GSE1: variants seen among roughly 807,000 people sequenced by gnomAD.
GSE1 encodes genetic suppressor element 1.
GSE1 carries 32 observed loss-of-function variants against 112.6 expected under a neutral mutation model. The observed-to-expected ratio is 0.28, with a 90% CI of 0.21 to 0.38. The LOEUF is 0.38. Ranked by LOEUF, GSE1 falls within the 10% of genes least tolerant of loss-of-function variation. GSE1 has a pLI of 1.00. For missense variants in GSE1, 2,348 were observed against 1,699.2 expected, an observed-to-expected ratio of 1.38 and a Z score of -6.71; for synonymous variants, 1,115 against 735.6, an observed-to-expected ratio of 1.52 and a Z score of -8.35.
At chr16:85,175,337 C>T (rs927989567) in intron 1 of GSE1, among the ~76,000 whole-genome samples, 16 of 152,162 alleles carry the variant, frequency 1.1e-4, no homozygotes, top group Admixed American at 9.8e-4. Context: ...GCACCCCTGC[C>T]CCAAGGACGG....
intron 2 of GSE1, among the ~76,000 whole-genome samples, chr16:85,488,644 A>G (rs569591230): frequency 2.6e-5 from 4 of 152,222 alleles, no homozygotes; most frequent in Admixed American, 6.5e-5. Context: ...TGCCTCAGGA[A>G]CAGTCTTTCC....
At chr16:85,472,057 A>T (rs2050311760) in intron 2 of GSE1, among the ~76,000 whole-genome samples, 1 of 152,120 alleles carries the variant, frequency 6.6e-6, no homozygotes. Flanking sequence ...TGCTCACGAG[A>T]TACCAGTAAT....
At chr16:85,300,746 C>T (rs11639583) in intron 1 of GSE1, among the ~76,000 whole-genome samples, 53,964 of 152,096 alleles carry the variant, frequency 0.35, 9,876 homozygotes, top group Admixed American at 0.46. Flanking sequence ...TCCTGCCTCT[C>T]GGCTTCCGCT....
chr16:85,295,768 CTTTTT>C (rs71151276), intron 1 of GSE1, among the ~76,000 whole-genome samples: 1 of 133,084 alleles, frequency 7.5e-6, no homozygotes, highest in Admixed American at 7.5e-5. Flanking sequence ...TAATTCGTAA[CTTTTT>C]TTTTTTTTTT....
upstream of GSE1, among the ~76,000 whole-genome samples, chr16:85,611,016 T>A (rs2047946951): frequency 6.6e-6 from 1 of 152,318 alleles, no homozygotes; most frequent in South Asian, 2.1e-4. Context: ...AACCCCACCT[T>A]CACCCCTGGC....
intron 2 of GSE1, among the ~76,000 whole-genome samples, chr16:85,544,917 G>A (rs927911950): frequency 3.3e-5 from 5 of 152,244 alleles, no homozygotes; most frequent in Non-Finnish European, 5.9e-5. Context: ...AGCCGTGCCC[G>A]CGCTGTCACG....
chr16:85,396,671 A>G (rs2047973519), intron 2 of GSE1, among the ~76,000 whole-genome samples: 1 of 152,230 alleles, frequency 6.6e-6, no homozygotes. Context: ...GGCCATTCTC[A>G]GGACCCCACA....
intron 2 of GSE1, among the ~76,000 whole-genome samples, chr16:85,643,358 G>T (rs551945369): frequency 6.6e-5 from 10 of 152,326 alleles, no homozygotes; most frequent in African/African-American, 2.2e-4. Context: ...CTGGCGTTGT[G>T]GGGGCATCGA....
At chr16:85,330,393 C>A (rs937955511) in intron 1 of GSE1, among the ~76,000 whole-genome samples, 2 of 152,210 alleles carry the variant, frequency 1.3e-5, no homozygotes, top group South Asian at 2.1e-4. Context: ...GTAACAGTCT[C>A]CCCTGGAGCC....
intron 2 of GSE1, among the ~76,000 whole-genome samples, chr16:85,510,052 G>A (rs954395796): frequency 2.0e-5 from 3 of 152,220 alleles, no homozygotes; most frequent in Non-Finnish European, 4.4e-5. Flanking sequence ...GCCAAGCCGC[G>A]CTGAGCAGGT....
chr16:85,330,505 C>T (rs921851329), intron 1 of GSE1, among the ~76,000 whole-genome samples: 1 of 152,212 alleles, frequency 6.6e-6, no homozygotes, highest in Non-Finnish European at 1.5e-5. Flanking sequence ...TTCGTGGTCG[C>T]ATGTTACAGC....
intron 1 of GSE1, among the ~76,000 whole-genome samples, chr16:85,325,651 C>G (rs1257168790): frequency 1.3e-5 from 2 of 152,044 alleles, no homozygotes; most frequent in East Asian, 1.9e-4. Context: ...GGCATTTCAC[C>G]ACGTTGGCCA....
At chr16:85,418,628 G>C (rs2151732273) in intron 2 of GSE1, among the ~76,000 whole-genome samples, 1 of 152,310 alleles carries the variant, frequency 6.6e-6, no homozygotes, top group Admixed American at 6.5e-5. Context: ...TGGGACGTTG[G>C]GGACAGGCAC....
upstream of GSE1, chr16:85,611,342 C>T (rs1269161266): frequency 6.5e-5 from 19 of 290,746 alleles, no homozygotes; most frequent in Admixed American, 2.6e-4. Flanking sequence ...CAGCCCTGGC[C>T]GCCTGGGGCC....
intron 1 of GSE1, among the ~76,000 whole-genome samples, chr16:85,630,553 G>A (rs986837583): frequency 2.0e-5 from 3 of 152,206 alleles, no homozygotes; most frequent in East Asian, 1.9e-4. Flanking sequence ...CTGGCCTCAC[G>A]CAGTCCTCCC....
At chr16:85,521,925 G>A (rs778612388) in intron 2 of GSE1, among the ~76,000 whole-genome samples, 25 of 152,244 alleles carry the variant, frequency 1.6e-4, no homozygotes, top group Non-Finnish European at 2.1e-4. Context: ...GTGACAGAGC[G>A]TGCCAGCGTG....
intron 1 of GSE1, among the ~76,000 whole-genome samples, chr16:85,323,219 T>G (rs1237950664): frequency 6.6e-6 from 1 of 152,100 alleles, no homozygotes; most frequent in Non-Finnish European, 1.5e-5. Flanking sequence ...GGTCACATGG[T>G]TCAATAGAGC....
chr16:85,413,999 T>C (rs1479204768), intron 2 of GSE1, among the ~76,000 whole-genome samples: 3 of 152,230 alleles, frequency 2.0e-5, no homozygotes, highest in South Asian at 2.1e-4. Flanking sequence ...TCCGCCATGA[T>C]TGTAAGTTCC....
chr16:85,655,453 G>T (rs1339420260), intron 5 of GSE1, among the ~76,000 whole-genome samples: 7 of 152,198 alleles, frequency 4.6e-5, no homozygotes, highest in Non-Finnish European at 1.0e-4. Context: ...GCCAGCCTTG[G>T]AAGGGCCTGG....
Sources: gnomAD v4.1 joint callset for allele counts (sites outside exome capture counted in the v4.1 genomes callset) on GRCh38, gnomAD v4.1.1 for gene constraint, MANE v1.5 for transcripts, NCBI Gene and HGNC (gene_info 2026-07-23, HGNC 2026-07-21) for gene names.